RMP24: variants seen among roughly 807,000 people sequenced by gnomAD.
RMP24 encodes the protein ribonuclease MRP protein subunit p24.
At chr18:35,979,108 T>C in the RMP24 span, 1 of 1,189,348 alleles carries the variant, frequency 8.4e-7, no homozygotes, top group South Asian at 1.6e-5. Context: ...ATGCAAACTT[T>C]TCTTGGCATC....
the RMP24 span, among the ~76,000 whole-genome samples, chr18:35,977,857 C>T: frequency 1.3e-5 from 2 of 152,138 alleles, no homozygotes; most frequent in East Asian, 1.9e-4. Flanking sequence ...ACTTCAGTCC[C>T]CTACATGTTC....
the RMP24 span, among the ~76,000 whole-genome samples, chr18:35,976,339 C>A: frequency 1.3e-5 from 2 of 151,754 alleles, no homozygotes; most frequent in African/African-American, 4.8e-5. Flanking sequence ...TGTATACAGC[C>A]TCCTTCCAAA....
At chr18:35,977,820 A>G in the RMP24 span, among the ~76,000 whole-genome samples, 1 of 152,090 alleles carries the variant, frequency 6.6e-6, no homozygotes, top group African/African-American at 2.4e-5. Context: ...TCCTGTGCCT[A>G]TTTCCAGCTG....
chr18:35,972,694 G>A, the RMP24 span: 3 of 1,580,138 alleles, frequency 1.9e-6, no homozygotes, highest in East Asian at 7.0e-5. Flanking sequence ...TTCTCACCTG[G>A]TTCCCGCGGC....
At chr18:35,972,858 C>G in the RMP24 span, 1 of 1,614,178 alleles carries the variant, frequency 6.2e-7, no homozygotes, top group Non-Finnish European at 8.5e-7. Flanking sequence ...TTCCTTTGCT[C>G]CTCACAAGTC....
At chr18:35,974,988 T>G in the RMP24 span, 1 of 1,614,158 alleles carries the variant, frequency 6.2e-7, no homozygotes, top group South Asian at 1.1e-5. Context: ...CAAAGCCAGG[T>G]TGACACCCAA....
the RMP24 span, chr18:35,977,745 C>T: frequency 2.7e-6 from 2 of 734,104 alleles, no homozygotes; most frequent in Admixed American, 2.9e-5. Context: ...GTCACATACT[C>T]CCATATCTTC....
At chr18:35,974,936 C>T in the RMP24 span, 1 of 1,614,144 alleles carries the variant, frequency 6.2e-7, no homozygotes, top group Non-Finnish European at 8.5e-7. Context: ...CATACTGTTT[C>T]CAGCTGTTGG....
At chr18:35,972,744 T>C in the RMP24 span, 1 of 1,612,678 alleles carries the variant, frequency 6.2e-7, no homozygotes, top group Non-Finnish European at 8.5e-7. Flanking sequence ...ACAGAAGCAC[T>C]ACCTTGAGGC....
chr18:35,976,459 C>T, the RMP24 span, among the ~76,000 whole-genome samples: 16 of 151,922 alleles, frequency 1.1e-4, no homozygotes, highest in Admixed American at 1.0e-3. Flanking sequence ...ATTAATTTGC[C>T]GAGGCATGGG....
the RMP24 span, chr18:35,977,586 A>G: frequency 6.2e-7 from 1 of 1,611,632 alleles, no homozygotes; most frequent in African/African-American, 1.3e-5. Context: ...GCAAGAGCCC[A>G]GCATCGGTTT....
At chr18:35,972,801 C>T in the RMP24 span, 1 of 1,614,182 alleles carries the variant, frequency 6.2e-7, no homozygotes. Flanking sequence ...AGCCCGCTAC[C>T]TCCTGTAAGA....
chr18:35,975,244 G>A, the RMP24 span: 1 of 650,196 alleles, frequency 1.5e-6, no homozygotes, highest in Non-Finnish European at 2.5e-6. Flanking sequence ...CTTCTCTAAT[G>A]ATTAGTGTTT....
At chr18:35,977,118 G>C in the RMP24 span, among the ~76,000 whole-genome samples, 1 of 152,094 alleles carries the variant, frequency 6.6e-6, no homozygotes, top group African/African-American at 2.4e-5. Flanking sequence ...AGCTACATGG[G>C]AGGCTGAGGC....
the RMP24 span, chr18:35,972,891 C>T: frequency 6.2e-7 from 1 of 1,614,214 alleles, no homozygotes; most frequent in African/African-American, 1.3e-5. Context: ...ACAGCTGGGC[C>T]TACACTTCGT....
At chr18:35,978,460 G>C in the RMP24 span, among the ~76,000 whole-genome samples, 1 of 152,146 alleles carries the variant, frequency 6.6e-6, no homozygotes, top group Admixed American at 6.5e-5. Context: ...AAATACAAAA[G>C]ATTAGCCAGG....
At chr18:35,978,407 T>G in the RMP24 span, among the ~76,000 whole-genome samples, 3 of 152,212 alleles carry the variant, frequency 2.0e-5, no homozygotes, top group South Asian at 6.2e-4. Context: ...GCTCAGGAGT[T>G]CAAGACCAGC....
the RMP24 span, chr18:35,973,219 C>CT: frequency 3.9e-6 from 2 of 511,604 alleles, no homozygotes; most frequent in Non-Finnish European, 3.5e-6. Context: ...TCTCCCCAAG[C>CT]TTTAAGTATT....
chr18:35,978,432 G>A, the RMP24 span, among the ~76,000 whole-genome samples: 1 of 152,180 alleles, frequency 6.6e-6, no homozygotes, highest in South Asian at 2.1e-4. Context: ...GCAACACGGT[G>A]AAATCCCATC....
Sources: allele counts gnomAD v4.1 joint callset (sites outside exome capture counted in the v4.1 genomes callset), GRCh38; gene constraint gnomAD v4.1.1; transcripts MANE v1.5; gene names NCBI Gene and HGNC (gene_info 2026-07-23, HGNC 2026-07-21).